The following ZMIZ2 variants were observed in gnomAD, a reference collection of about 807,000 sequenced individuals.
ZMIZ2 encodes the protein zinc finger MIZ domain-containing protein 2.
Under a neutral mutation model 93.9 loss-of-function variants are expected in ZMIZ2, and 26 were observed. The observed-to-expected ratio is 0.28, with a 90% CI of 0.20 to 0.38. The LOEUF (loss-of-function observed/expected upper bound fraction) is 0.38. Among genes scored for constraint, ZMIZ2 ranks in the 10% least tolerant of loss-of-function variants. The probability of loss-of-function intolerance (pLI) is 1.00; values close to 1 mark genes in which losing one functional copy is unlikely to be tolerated. For missense variants in ZMIZ2, 1,023 were observed against 1,235.0 expected, an observed-to-expected ratio of 0.83 and a Z score of 2.57; for synonymous variants, 485 against 516.4, an observed-to-expected ratio of 0.94 and a Z score of 0.82.
In ZMIZ2 at chr7:44,766,065, T is replaced by G; in HGVS notation, c.2243-99T>G. On this transcript the variant is annotated intron_variant, in intron 16 of 18. Coordinates refer to ENST00000309315, the MANE Select transcript of ZMIZ2 (RefSeq NM_031449.4). The surrounding 1 kb of genome is among the most constrained non-coding windows in gnomAD (Gnocchi z 4.4). Reference sequence around the variant, plus strand: ...CCCGCTGTTGTTTGTGGGTGAGCACTGCAAGTCCCACCCATGCCACAGCCA... The same window carrying G: ...CCCGCTGTTGTTTGTGGGTGAGCACGGCAAGTCCCACCCATGCCACAGCCA... 2 of 1,493,240 alleles carry G rather than the reference T, an allele frequency of 1.3e-6. No individual in the cohort carries two copies. Among genetic ancestry groups the G allele is most frequent in the Non-Finnish European group, 1.8e-6 (2 of 1,128,502 alleles). The allele number at this position is 1,493,240 out of a possible 1,614,324, so 92.5% of individuals were successfully genotyped here. A position where few individuals can be genotyped will look rare whatever the true frequency, so the allele number is the denominator to read the frequency against.
chr7:44,763,868 C>T lies in ZMIZ2; in HGVS notation c.1860+455C>T, dbSNP rs141888806. 28 of 173,176 alleles carry T rather than the reference C, an allele frequency of 1.6e-4. 1 individual carries two copies. The East Asian group carries it at 2.0e-3, about 12-fold the overall frequency. The allele number at this position is 173,176 out of a possible 1,614,324, so 10.7% of individuals were successfully genotyped here. ...TAACACCATGTTCTGAGGCTGGGCG[C>T]GGTGGCTCACACCTGTAATCCCAGC... On this transcript the variant is annotated intron_variant, in intron 13 of 18. Coordinates refer to ENST00000309315, the MANE Select transcript of ZMIZ2 (RefSeq NM_031449.4). This position sits in a 1 kb window ranked among gnomAD's most constrained non-coding sequence, Gnocchi z 5.6.
Position 44,757,025 on chromosome 7 carries a change from G to C in ZMIZ2, c.244G>C (p.Ala82Pro). ...MMPGVAGGSS[A>P]LTSPQCLGQQ... ...GCCTGGTGTGGCAGGGGGCAGCTCC[G>C]CCTTGACCTCCCCACAGTGCCTGGG... The change falls in exon 4 of 19, where the codon GCC becomes CCC. Residue 82 changes from alanine to proline, a missense_variant. Ala to Pro is a conservative substitution (Grantham distance 27). Around this residue, in one of 3 missense-constraint regions of ZMIZ2, gnomAD observed 656 missense variants for 777.1 expected, o/e 0.84. Transcript: ENST00000309315. 6.2e-7 allele frequency: 1 copy of C among 1,612,224 alleles called. No individual in the cohort carries two copies. The highest frequency in any genetic ancestry group is 1.1e-5 in the South Asian group (1 of 90,976).
chr7:44,752,433 G>A (rs766735021), intron 1 of ZMIZ2, among the ~76,000 whole-genome samples: 2 of 152,050 alleles, frequency 1.3e-5, no homozygotes, highest in African/African-American at 2.4e-5. Context: ...GTGAGCCACC[G>A]TGCCCAGCCT....
In ZMIZ2 at chr7:44,761,417, C is replaced by T. The variant is rs753192324; in HGVS notation, c.1241-32C>T. 1.2e-6 allele frequency: 2 copies of T among 1,606,808 alleles called. No individual in the cohort carries two copies. Among genetic ancestry groups the T allele is most frequent in the African/African-American group, 2.7e-5 (2 of 75,054 alleles). Reference sequence around the variant, plus strand: ...ACACAAGACGCTCTGGCTGGGGCAACCCAGCTCACAGCCAGTGGCCTCTGC... The same window carrying T: ...ACACAAGACGCTCTGGCTGGGGCAATCCAGCTCACAGCCAGTGGCCTCTGC... On this transcript the variant is annotated intron_variant, in intron 9 of 18. Coordinates refer to ENST00000309315, the MANE Select transcript of ZMIZ2 (RefSeq NM_031449.4). The surrounding 1 kb of genome is among the most constrained non-coding windows in gnomAD (Gnocchi z 5.8).
At chr7:44,764,512 G>A in intron 14 of ZMIZ2, 26 bp downstream of exon 14, 2 of 1,612,662 alleles carry the variant, frequency 1.2e-6, no homozygotes, top group East Asian at 2.2e-5. Context: ...AGCGTGTGAT[G>A]GAGGAGGGGC....
chr7:44,756,188 C>T lies in ZMIZ2; in HGVS notation c.-62C>T, dbSNP rs1316493619. ...ACATCCCTTCCTTCCTGTCGGGCAG[C>T]CAGAGCAGCTGAGTTCCAGATAAAA... On this transcript the variant is annotated splice_region_variant and 5_prime_UTR_variant, in exon 2 of 19. Coordinates refer to ENST00000309315, the MANE Select transcript of ZMIZ2 (RefSeq NM_031449.4). 14 of 1,611,316 alleles carry T rather than the reference C, an allele frequency of 8.7e-6. No individual in the cohort carries two copies. Among genetic ancestry groups the T allele is most frequent in the African/African-American group, 1.3e-5 (1 of 74,906 alleles).
At chr7:44,759,898 T>A (rs1790993872) in intron 7 of ZMIZ2, 1 of 546,016 alleles carries the variant, frequency 1.8e-6, no homozygotes, top group African/African-American at 1.9e-5. Flanking sequence ...GGAGCCTGGG[T>A]GCGCCGGGTG....
chr7:44,764,916 G>A (rs1791551130), intron 14 of ZMIZ2, 25 bp from the exon 15 acceptor site: 3 of 1,613,766 alleles, frequency 1.9e-6, no homozygotes, highest in Non-Finnish European at 2.5e-6. Context: ...AGGTCTCTGA[G>A]CTGTGTCCCT....
intron 1 of ZMIZ2, among the ~76,000 whole-genome samples, chr7:44,753,620 ACTTAT>A (rs1790345603): frequency 6.6e-6 from 1 of 152,196 alleles, no homozygotes. Context: ...CTGGCCTGTA[ACTTAT>A]CTTTTCATCC....
rs776822412 is a variant in ZMIZ2, at chr7:44,763,263, G to A, written c.1710G>A (p.Arg570=). 1 of 1,613,954 alleles carries A rather than the reference G, an allele frequency of 6.2e-7. No individual in the cohort carries two copies. Among genetic ancestry groups the A allele is most frequent in the East Asian group, 2.2e-5 (1 of 44,872 alleles). The part of the protein sequence containing the change: ...PAEHCITKIK[R]NFSSGTIPGT... ...TTACCTTGTTGATGTCAGTAAAGCG[G>A]AACTTCAGCAGCGGCACCATCCCTG... is the stretch of plus-strand genomic sequence containing the variant. Residue 570 remains arginine, a synonymous_variant, in exon 13 of 19, where the codon CGG becomes CGA. Coordinates refer to ENST00000309315, the MANE Select transcript of ZMIZ2 (RefSeq NM_031449.4). The surrounding 1 kb of genome is among the most constrained non-coding windows in gnomAD (Gnocchi z 5.6).
chr7:44,765,195 C>G lies in ZMIZ2; in HGVS notation c.1998-140C>G. The G allele has an allele frequency of 6.6e-7, 1 of 1,503,986 alleles. No individual in the cohort carries two copies. Among genetic ancestry groups the G allele is most frequent in the South Asian group, 1.3e-5 (1 of 79,192 alleles). The allele number at this position is 1,503,986 out of a possible 1,614,324, so 93.2% of individuals were successfully genotyped here. ...TGTTGGTGCTGGGCCCAGCGTCCTGCTCGATGTGGAAGGTGCTGGGTGGAA... is the reference window on the plus strand; with the variant it reads ...TGTTGGTGCTGGGCCCAGCGTCCTGGTCGATGTGGAAGGTGCTGGGTGGAA... On this transcript the variant is annotated intron_variant, in intron 15 of 18. Transcript: ENST00000309315. This position sits in a 1 kb window ranked among gnomAD's most constrained non-coding sequence, Gnocchi z 4.1.
At chr7:44,755,225 C>T (rs1790489838) in intron 1 of ZMIZ2, among the ~76,000 whole-genome samples, 1 of 152,216 alleles carries the variant, frequency 6.6e-6, no homozygotes, top group Non-Finnish European at 1.5e-5. Context: ...GGTATCCACT[C>T]AGCCCCATCT....
In ZMIZ2 at chr7:44,765,680, C is replaced by G; in HGVS notation, c.2242+101C>G. Reference sequence around the variant, plus strand: ...CCTGCAAGAATGTGGCTATGCAGGTCACACACCTAGGTTATCAGTGTTGCC... The same window carrying G: ...CCTGCAAGAATGTGGCTATGCAGGTGACACACCTAGGTTATCAGTGTTGCC... On this transcript the variant is annotated intron_variant, in intron 16 of 18. Transcript: ENST00000309315. The surrounding 1 kb of genome is among the most constrained non-coding windows in gnomAD (Gnocchi z 4.1). The G allele has an allele frequency of 1.3e-6, 2 of 1,482,746 alleles. No individual in the cohort carries two copies. Among genetic ancestry groups the G allele is most frequent in the Non-Finnish European group, 1.8e-6 (2 of 1,101,230 alleles). The allele number at this position is 1,482,746 out of a possible 1,614,324, so 91.8% of individuals were successfully genotyped here. A position where few individuals can be genotyped will look rare whatever the true frequency, so the allele number is the denominator to read the frequency against.
At chr7:44,756,729 C>G (rs972677422) in intron 3 of ZMIZ2, 190 bp downstream of exon 3, 4 of 774,772 alleles carry the variant, frequency 5.2e-6, no homozygotes, top group Admixed American at 2.8e-5. Flanking sequence ...CTTTCCACAC[C>G]TGCTGTGGGA....
chr7:44,757,885 A>C lies in ZMIZ2; in HGVS notation c.590A>C (p.Gln197Pro). Residue 197 changes from glutamine (Q) to proline (P), a missense_variant, in exon 6 of 19, where the codon CAG (glutamine) becomes CCG (proline). Physicochemically the swap from Gln to Pro is moderately conservative, Grantham distance 76 (BLOSUM62 -1). Transcript: ENST00000309315. Reference sequence around the variant, plus strand: ...CAGTCTTTTAACAGCCAGTTTCTGCAGCATGGAGGTCCCCGGGGGCCTAGT... The same window carrying C: ...CAGTCTTTTAACAGCCAGTTTCTGCCGCATGGAGGTCCCCGGGGGCCTAGT... ...AGQSFNSQFL[Q>P]HGGPRGPSVP... 1 of 1,596,806 alleles carries C rather than the reference A, an allele frequency of 6.3e-7. No individual in the cohort carries two copies.
Position 44,763,966 on chromosome 7 carries a change from GTC to G in ZMIZ2, c.1861-449_1861-448del, listed in dbSNP as rs1791450133. Among the ~76,000 whole-genome samples the G allele has an allele frequency of 6.6e-6, 1 of 152,094 alleles. No individual in the cohort carries two copies. Among genetic ancestry groups the G allele is most frequent in the Non-Finnish European group, 1.5e-5 (1 of 68,012 alleles). On this transcript the variant is annotated intron_variant, in intron 13 of 18. Transcript: ENST00000309315. The surrounding 1 kb of genome is among the most constrained non-coding windows in gnomAD (Gnocchi z 5.6). The stretch of plus-strand genomic sequence containing the variant: ...AGCCTGGCCAGCATGGTGAAACCCT[GTC>G]TCTACTAAAATTACAAAAATTAGCT...
chr7:44,755,687 T>C (rs887752057), intron 1 of ZMIZ2, among the ~76,000 whole-genome samples: 3 of 152,164 alleles, frequency 2.0e-5, no homozygotes, highest in African/African-American at 7.2e-5. Context: ...CAGAACCGCC[T>C]ATGCCCCTAC....
rs1791863053 is a variant in ZMIZ2, at chr7:44,767,729, C to A, written c.*106C>A. ...ACACCCGGTGGTCTTTCCCAAACCTCCCCCAAAACACACCTGGAGCCAGAG... is the reference window on the plus strand; with the variant it reads ...ACACCCGGTGGTCTTTCCCAAACCTACCCCAAAACACACCTGGAGCCAGAG... On this transcript the variant is annotated 3_prime_UTR_variant, in exon 19 of 19. Coordinates refer to ENST00000309315, the MANE Select transcript of ZMIZ2 (RefSeq NM_031449.4). 4 of 991,958 alleles carry A rather than the reference C, an allele frequency of 4.0e-6. No homozygotes were observed. Among genetic ancestry groups the A allele is most frequent in the Non-Finnish European group, 6.2e-6 (4 of 646,216 alleles). 61.4% of individuals were successfully genotyped at this position (991,958 alleles called of 1,614,324 possible).
Position 44,757,527 on chromosome 7 carries a change from A to G in ZMIZ2, c.518A>G (p.Glu173Gly). 6.2e-7 allele frequency: 1 copy of G among 1,609,208 alleles called. No individual in the cohort carries two copies. The highest frequency in any genetic ancestry group is 8.5e-7 in the Non-Finnish European group (1 of 1,178,656). Reference protein sequence around the residue: ...TATATVAALQEKQSQELSQYG... With the variant: ...TATATVAALQGKQSQELSQYG... ...ACAGCCACCGTGGCTGCTCTCCAGG[A>G]GAAGCAGAGCCAGGAGCTGAGCCAG... Residue 173 changes from glutamate to glycine, a missense_variant, in exon 5 of 19, where the codon GAG becomes GGG. This residue lies in a region of ZMIZ2 where 656 missense variants were observed against 777.1 expected (regional missense o/e 0.84). Transcript: ENST00000309315.
Sources: gnomAD v4.1 joint callset for allele counts (sites outside exome capture counted in the v4.1 genomes callset) on GRCh38, gnomAD v4.1.1 for gene constraint, gnomAD v4.1.1 regional missense constraint, Gnocchi (gnomAD v3.1) non-coding constraint, MANE v1.5 for transcripts, NCBI Gene and HGNC (gene_info 2026-07-23, HGNC 2026-07-21) for gene names.